COMMD6: variants seen among roughly 807,000 people sequenced by gnomAD.
The protein encoded by COMMD6 is COMM domain containing 6.
COMMD6 carries 11 observed loss-of-function variants against 13.4 expected under a neutral mutation model. The observed-to-expected ratio is 0.82, with a 90% CI of 0.52 to 1.36. The LOEUF (loss-of-function observed/expected upper bound fraction) is 1.36, where lower values mean the gene tolerates loss of function less well. Ranked by LOEUF, COMMD6 falls within the 40% of genes most tolerant of loss-of-function variation. The pLI, the probability that COMMD6 is intolerant of heterozygous loss-of-function variation, is 0.00. For missense variants in COMMD6, 124 were observed against 102.4 expected, an observed-to-expected ratio of 1.21 and a Z score of -0.91; for synonymous variants, 43 against 36.5, an observed-to-expected ratio of 1.18 and a Z score of -0.64.
Position 75,526,205 on chromosome 13 carries a change from AT to A in COMMD6, c.*383del, listed in dbSNP as rs1328388420. On this transcript the variant is annotated 3_prime_UTR_variant, in exon 4 of 4. Transcript: ENST00000682242. ...AATACTACTTTTCTAATTTATATAT[AT>A]TTTTATATACATGACTCCAAATAAG... 1 of 155,106 alleles carries A rather than the reference AT, an allele frequency of 6.4e-6. No individual in the cohort carries two copies. The highest frequency in any genetic ancestry group is 1.4e-5 in the Non-Finnish European group (1 of 70,096). The allele number at this position is 155,106 out of a possible 1,614,324, so 9.6% of individuals were successfully genotyped here. A position where few individuals can be genotyped will look rare whatever the true frequency, so the allele number is the denominator to read the frequency against.
Position 75,530,263 on chromosome 13 carries a change from C to G in COMMD6, c.58G>C (p.Val20Leu), listed in dbSNP as rs754365881. The G allele has an allele frequency of 6.2e-7, 1 of 1,608,832 alleles. No homozygotes were observed. Among genetic ancestry groups the G allele is most frequent in the African/African-American group, 1.3e-5 (1 of 74,902 alleles). ...DAKSDVTNQL[V>L]DFQWKLGMAV... ...ATACCCAGTTTCCACTGAAAATCTA[C>G]AAGCTTTAATAAGACAGGACAAAAT... The change falls in exon 3 of 4, where the codon GTA becomes CTA. Residue 20 changes from valine (V) to leucine (L), a missense_variant. Val to Leu is a conservative substitution (Grantham distance 32). Coordinates refer to ENST00000682242, the MANE Select transcript of COMMD6 (RefSeq NM_203495.4).
intron 2 of COMMD6, among the ~76,000 whole-genome samples, chr13:75,534,063 G>T (rs1337160469): frequency 2.0e-5 from 3 of 151,832 alleles, no homozygotes; most frequent in African/African-American, 4.8e-5. Flanking sequence ...TAGACCTCCT[G>T]GGCTCAAGCG....
At chr13:75,545,201 G>A (rs1177238540) in intron 1 of COMMD6, among the ~76,000 whole-genome samples, 1 of 152,214 alleles carries the variant, frequency 6.6e-6, no homozygotes, top group East Asian at 1.9e-4. Context: ...ATTAAGATAA[G>A]TAATATAAGA....
At chr13:75,526,991 T>G (rs1350747189) in intron 3 of COMMD6, among the ~76,000 whole-genome samples, 2 of 152,200 alleles carry the variant, frequency 1.3e-5, no homozygotes, top group Non-Finnish European at 2.9e-5. Context: ...TTCAATCTAG[T>G]AAAGGACCGC....
At chr13:75,530,540 G>A (rs1334443174) in intron 2 of COMMD6, 1 of 228,936 alleles carries the variant, frequency 4.4e-6, no homozygotes, top group African/African-American at 2.3e-5. Context: ...ATGTATAACG[G>A]AAGTGGAAGG....
chr13:75,533,128 T>C (rs1037038898), intron 2 of COMMD6, among the ~76,000 whole-genome samples: 1 of 152,050 alleles, frequency 6.6e-6, no homozygotes, highest in African/African-American at 2.4e-5. Context: ...AGACAGGGTT[T>C]CACCATGTTA....
chr13:75,545,598 G>A lies in COMMD6; in HGVS notation n.106+3725C>T, dbSNP rs551883281. 8.6e-5 allele frequency among the ~76,000 whole-genome samples: 13 copies of A among 151,882 alleles called. No individual in the cohort carries two copies. In the East Asian group the frequency reaches 1.4e-3, roughly 16 times the overall value. ...CACCATTCTCCTGCCTCAGGCTCCC[G>A]AGTAATGGGACTACAGACGCCCGCC... On this transcript the variant is annotated intron_variant and non_coding_transcript_variant, in intron 1 of 2. Transcript: ENST00000460675.
chr13:75,528,991 T>C (rs1355396681), intron 3 of COMMD6, among the ~76,000 whole-genome samples: 3 of 152,198 alleles, frequency 2.0e-5, no homozygotes, highest in Admixed American at 6.5e-5. Context: ...CAATATAATT[T>C]TAGTTAGTTT....
intron 3 of COMMD6, among the ~76,000 whole-genome samples, chr13:75,527,018 G>A (rs1412409051): frequency 6.6e-6 from 1 of 152,108 alleles, no homozygotes; most frequent in Non-Finnish European, 1.5e-5. Flanking sequence ...GTGTGGTAAG[G>A]GCTATCTCAT....
intron 3 of COMMD6, chr13:75,527,889 A>G: frequency 6.7e-7 from 1 of 1,489,514 alleles, no homozygotes; most frequent in Non-Finnish European, 9.0e-7. Context: ...AAAAGGTACA[A>G]ACTTTTGGTT....
chr13:75,529,345 C>T (rs183590221), intron 3 of COMMD6, among the ~76,000 whole-genome samples: 3 of 151,886 alleles, frequency 2.0e-5, no homozygotes, highest in African/African-American at 7.3e-5. Flanking sequence ...ATGGTGAAAC[C>T]CCATCTCTAC....
Position 75,537,814 on chromosome 13 carries a change from T to A in COMMD6, c.-9A>T, listed in dbSNP as rs756708615. On this transcript the variant is annotated 5_prime_UTR_variant, in exon 1 of 4. Coordinates refer to ENST00000682242, the MANE Select transcript of COMMD6 (RefSeq NM_203495.4). ...TCGCTGGACGCCTCCATGGGCAGCG[T>A]CTGGGACTTGCGGCCCGGACTCGAG... The A allele has an allele frequency of 2.5e-6, 4 of 1,596,074 alleles. 1 individual carries two copies. Among genetic ancestry groups the A allele is most frequent in the African/African-American group, 2.7e-5 (2 of 74,700 alleles).
upstream of COMMD6, among the ~76,000 whole-genome samples, chr13:75,540,362 A>ACC (rs1180111497): frequency 1.3e-5 from 2 of 151,730 alleles, no homozygotes; most frequent in African/African-American, 4.8e-5. Context: ...ACACACACAC[A>ACC]CACACACACA....
intron 2 of COMMD6, among the ~76,000 whole-genome samples, chr13:75,536,517 G>A: frequency 6.6e-6 from 1 of 152,138 alleles, no homozygotes; most frequent in South Asian, 2.1e-4. Flanking sequence ...TATCCAGGTG[G>A]GCCTAATGTA....
intron 3 of COMMD6, among the ~76,000 whole-genome samples, chr13:75,528,044 C>T (rs2030330443): frequency 6.8e-6 from 1 of 147,538 alleles, no homozygotes; most frequent in Admixed American, 6.8e-5. Context: ...TACATGCACA[C>T]ACTCTCTCCA....
chr13:75,530,137 C>A lies in COMMD6; in HGVS notation c.184G>T (p.Glu62Ter). The A allele has an allele frequency of 6.2e-7, 1 of 1,613,070 alleles. No homozygotes were observed. The highest frequency in any genetic ancestry group is 8.5e-7 in the Non-Finnish European group (1 of 1,179,558). Residue 62 changes from glutamate to a stop codon, truncating the protein, a stop_gained, in exon 3 of 4, where the codon GAA becomes TAA. Coordinates refer to ENST00000682242, the MANE Select transcript of COMMD6 (RefSeq NM_203495.4). LOFTEE classifies it high-confidence loss of function. The part of the protein sequence containing the change: ...HSGQVKTKCF[E>*]MTIPQFQNFY... ...ACCTGAAACTGTGGAATCGTCATTT[C>A]AAAGCACTTGGTCTTTACTTGGCCT...
chr13:75,525,755 T>C lies in COMMD6; in HGVS notation c.*834A>G, dbSNP rs1593951421. On this transcript the variant is annotated 3_prime_UTR_variant, in exon 4 of 4. Coordinates refer to ENST00000682242, the MANE Select transcript of COMMD6 (RefSeq NM_203495.4). ...ACAGGGTGTGAAGAGGGTTTAAATT[T>C]CTAATATGGCGGACCAGAATGTCTT... The C allele has an allele frequency of 6.6e-6, 1 of 152,366 alleles. No homozygotes were observed. The highest frequency in any genetic ancestry group is 1.5e-5 in the Non-Finnish European group (1 of 68,046). 9.4% of individuals were successfully genotyped at this position (152,366 alleles called of 1,614,324 possible).
At chr13:75,528,583 G>A (rs763513970) in intron 3 of COMMD6, among the ~76,000 whole-genome samples, 4 of 152,090 alleles carry the variant, frequency 2.6e-5, no homozygotes, top group African/African-American at 4.8e-5. Context: ...TAAAGTGGAC[G>A]GATCAACTGA....
rs1197627467 is a variant in COMMD6 at position 75,537,484 on chromosome 13, A to G, written c.54+180T>C. 5.1e-6 allele frequency: 8 copies of G among 1,553,696 alleles called. No homozygotes were observed. The South Asian group carries it at 8.3e-5, about 16-fold the overall frequency. ...GGTGGGGAAGAGGAGCTTTCATTACAATGGCAACGGCTACCGGCTCAGGTG... is the reference window on the plus strand; with the variant it reads ...GGTGGGGAAGAGGAGCTTTCATTACGATGGCAACGGCTACCGGCTCAGGTG... On this transcript the variant is annotated intron_variant, in intron 2 of 3. Coordinates refer to ENST00000682242, the MANE Select transcript of COMMD6 (RefSeq NM_203495.4).
Sources: allele counts gnomAD v4.1 joint callset (sites outside exome capture counted in the v4.1 genomes callset), GRCh38; gene constraint gnomAD v4.1.1; transcripts MANE v1.5; gene names NCBI Gene and HGNC (gene_info 2026-07-23, HGNC 2026-07-21).